DLG2: variants seen among roughly 807,000 people sequenced by gnomAD.
DLG2 encodes the protein disks large homolog 2.
Under a neutral mutation model 132.5 loss-of-function variants are expected in DLG2, and 45 were observed. The observed-to-expected ratio is 0.34, with a 90% confidence interval of 0.27 to 0.44. The LOEUF (loss-of-function observed/expected upper bound fraction) is 0.44. DLG2 is among the 20% of genes least tolerant of loss of function. The pLI, the probability that DLG2 is intolerant of heterozygous loss-of-function variation, is 1.00. For synonymous variants in DLG2, 424 were observed against 419.6 expected, an observed-to-expected ratio of 1.01 and a Z score of -0.13; for missense variants, 1,045 against 1,196.9, an observed-to-expected ratio of 0.87 and a Z score of 1.87.
At chr11:84,990,957 C>G (rs942796006) in intron 6 of DLG2, among the ~76,000 whole-genome samples, 8 of 152,094 alleles carry the variant, frequency 5.3e-5, no homozygotes, top group African/African-American at 1.7e-4. Flanking sequence ...ATAGCCAGAA[C>G]TAGAAACAAC....
rs955990899 is a variant in DLG2, at chr11:85,540,423, A to G, written c.40+58234T>C. Among the ~76,000 whole-genome samples, 39 of 152,326 alleles carry G rather than the reference A, an allele frequency of 2.6e-4. 1 individual carries two copies. The highest frequency in any genetic ancestry group is 1.3e-4 in the Admixed American group (2 of 15,308). ...TGGTGGGACCATGTGGAATTTGGTC[A>G]GTAGTGATCAGAGGAGATGCCTGCC... On this transcript the variant is annotated intron_variant, in intron 3 of 27. Transcript: ENST00000376104.
At chr11:84,731,247 C>G (rs1462074963) in intron 6 of DLG2, among the ~76,000 whole-genome samples, 1 of 151,944 alleles carries the variant, frequency 6.6e-6, no homozygotes, top group Admixed American at 6.6e-5. Context: ...CTTTATCTCC[C>G]CCTTTTGGTT....
intron 10 of DLG2, among the ~76,000 whole-genome samples, chr11:84,067,199 T>G (rs545462730): frequency 6.6e-6 from 1 of 151,976 alleles, no homozygotes; most frequent in African/African-American, 2.4e-5. Context: ...CCAGGCATGG[T>G]GGCGGGCCTC....
intron 3 of DLG2, among the ~76,000 whole-genome samples, chr11:85,479,479 A>C (rs2093233236): frequency 6.6e-6 from 1 of 152,246 alleles, no homozygotes; most frequent in Non-Finnish European, 1.5e-5. Context: ...TTTTGGGAAG[A>C]CATAAACATT....
chr11:83,501,536 G>C (rs1224203311), intron 21 of DLG2, among the ~76,000 whole-genome samples: 1 of 152,158 alleles, frequency 6.6e-6, no homozygotes, highest in African/African-American at 2.4e-5. Flanking sequence ...AAAAGACAGT[G>C]CATAGACCAG....
At chr11:85,249,844 G>T (rs2076313820) in intron 4 of DLG2, among the ~76,000 whole-genome samples, 1 of 152,120 alleles carries the variant, frequency 6.6e-6, no homozygotes, top group Non-Finnish European at 1.5e-5. Context: ...CTTGTAGTGG[G>T]ACTTCATTCC....
intron 9 of DLG2, among the ~76,000 whole-genome samples, chr11:84,101,383 G>A (rs192336766): frequency 3.3e-5 from 5 of 152,254 alleles, no homozygotes; most frequent in South Asian, 2.1e-4. Context: ...CAGAGTGTAC[G>A]AGAAACCATT....
At chr11:85,003,395 G>A (rs553463402) in intron 6 of DLG2, among the ~76,000 whole-genome samples, 48 of 152,170 alleles carry the variant, frequency 3.2e-4, no homozygotes, top group Admixed American at 1.2e-3. Flanking sequence ...ACAATAAACC[G>A]TTGGATATAC....
At chr11:85,451,847 C>A (rs1188463488) in intron 3 of DLG2, among the ~76,000 whole-genome samples, 1 of 151,924 alleles carries the variant, frequency 6.6e-6, no homozygotes, top group African/African-American at 2.4e-5. Flanking sequence ...CATGCCCTGC[C>A]CAATTTTTAA....
In DLG2 at chr11:84,251,264, T is replaced by C. The variant is rs1430679591; in HGVS notation, c.547A>G (p.Thr183Ala). The change falls in exon 8 of 28, where the codon ACA (threonine) becomes GCA (alanine). Residue 183 changes from threonine (T) to alanine (A), a missense_variant. Around this residue, in one of 4 missense-constraint regions of DLG2, gnomAD observed 277 missense variants for 238.2 expected, o/e 1.16. Coordinates refer to ENST00000376104, the MANE Select transcript of DLG2 (RefSeq NM_001142699.3). The part of the protein sequence containing the change: ...KASPAPIIVN[T>A]DTLDTIPYVN... ...TAAGGAATTGTGTCCAAAGTATCTG[T>C]GTTGACAATTATAGGAGCAGGACTG... 5 of 1,593,512 alleles carry C rather than the reference T, an allele frequency of 3.1e-6. No individual in the cohort carries two copies. The highest frequency in any genetic ancestry group is 4.3e-6 in the Non-Finnish European group (5 of 1,172,598).
intron 4 of DLG2, among the ~76,000 whole-genome samples, chr11:85,194,243 G>A (rs982915186): frequency 3.3e-5 from 5 of 152,182 alleles, no homozygotes; most frequent in South Asian, 2.1e-4. Flanking sequence ...AGTGGGGACC[G>A]TGAGAGATGT....
chr11:83,483,217 AAAG>A (rs1217324001), intron 22 of DLG2: 6 of 1,591,234 alleles, frequency 3.8e-6, no homozygotes, highest in Non-Finnish European at 5.2e-6. Flanking sequence ...AAGGAAAAGA[AAAG>A]AAAAGTTACA....
chr11:83,642,743 T>C (rs948422321), intron 18 of DLG2, among the ~76,000 whole-genome samples: 5 of 152,192 alleles, frequency 3.3e-5, no homozygotes, highest in Admixed American at 2.6e-4. Context: ...TGATGTATTA[T>C]TATTTTTTAA....
chr11:84,526,326 T>A (rs1334892623), intron 7 of DLG2, among the ~76,000 whole-genome samples: 1 of 152,212 alleles, frequency 6.6e-6, no homozygotes, highest in Non-Finnish European at 1.5e-5. Context: ...CTTTGGGAGA[T>A]GCTAGTCTAG....
chr11:83,995,358 T>C lies in DLG2; in HGVS notation c.920-14716A>G, dbSNP rs7940433. Among the ~76,000 whole-genome samples the C allele has an allele frequency of 1.3e-3, 203 of 152,258 alleles. 2 individuals carry two copies. Among genetic ancestry groups the C allele is most frequent in the African/African-American group, 4.7e-3 (196 of 41,562 alleles). On this transcript the variant is annotated intron_variant, in intron 11 of 27. Coordinates refer to ENST00000376104, the MANE Select transcript of DLG2 (RefSeq NM_001142699.3). ...GTCCACATGTAGAAATAGAGGCTCATGAGGCTCCAGAAGTGCCATGTTAAA... is the reference window on the plus strand; with the variant it reads ...GTCCACATGTAGAAATAGAGGCTCACGAGGCTCCAGAAGTGCCATGTTAAA...
intron 18 of DLG2, among the ~76,000 whole-genome samples, chr11:83,726,287 C>T (rs1318200197): frequency 1.3e-5 from 2 of 152,038 alleles, no homozygotes; most frequent in Non-Finnish European, 2.9e-5. Flanking sequence ...GGGCTTCCCT[C>T]GATGGGATTG....
At chr11:85,515,096 T>C (rs570558723) in intron 3 of DLG2, among the ~76,000 whole-genome samples, 1 of 151,940 alleles carries the variant, frequency 6.6e-6, no homozygotes, top group African/African-American at 2.4e-5. Context: ...GTCAGATAAC[T>C]GGAGTTGGTA....
chr11:85,007,079 T>C (rs1375543374), intron 6 of DLG2, among the ~76,000 whole-genome samples: 1 of 152,192 alleles, frequency 6.6e-6, no homozygotes, highest in Non-Finnish European at 1.5e-5. Flanking sequence ...GATGATTTTA[T>C]TCTTATGAAA....
chr11:84,713,515 A>G (rs1416307553), intron 6 of DLG2, among the ~76,000 whole-genome samples: 1 of 151,986 alleles, frequency 6.6e-6, no homozygotes, highest in Non-Finnish European at 1.5e-5. Flanking sequence ...GATTTTTTGC[A>G]TATTAGGTAT....
Sources: gnomAD v4.1 joint callset for allele counts (sites outside exome capture counted in the v4.1 genomes callset) on GRCh38, gnomAD v4.1.1 for gene constraint, gnomAD v4.1.1 regional missense constraint, MANE v1.5 for transcripts, NCBI Gene and HGNC (gene_info 2026-07-23, HGNC 2026-07-21) for gene names.